HDGFL3: variants seen among roughly 807,000 people sequenced by gnomAD.
HDGFL3 encodes hepatoma-derived growth factor-related protein 3.
Under a neutral mutation model 27.6 loss-of-function variants are expected in HDGFL3, and 6 were observed. The observed-to-expected ratio is 0.22, with a 90% CI of 0.12 to 0.43. The LOEUF (loss-of-function observed/expected upper bound fraction) is 0.43, where lower values mean the gene tolerates loss of function less well. Ranked by LOEUF, HDGFL3 falls within the 20% of genes least tolerant of loss-of-function variation. The pLI, the probability that HDGFL3 is intolerant of heterozygous loss-of-function variation, is 1.00. For synonymous variants in HDGFL3, 88 were observed against 88.9 expected (o/e 0.99, Z 0.05); for missense variants, 207 against 250.1 (o/e 0.83, Z 1.16).
rs2035939062 is a variant in HDGFL3, at chr15:83,128,162, T to TTCATCTTGTTTAAAAACA, written c.*11107_*11108insTGTTTTTAAACAAGATGA. ...GAACTTATCATTTAAAAACATTAGC[T>TTCATCTTGTTTAAAAACA]TCATCTTGTTCTTTTCAAGCAGTTA... On this transcript the variant is annotated 3_prime_UTR_variant, in exon 6 of 6. Coordinates refer to ENST00000299633, the MANE Select transcript of HDGFL3 (RefSeq NM_016073.4). 6.6e-6 allele frequency: 1 copy of TTCATCTTGTTTAAAAACA among 152,266 alleles called. No individual in the cohort carries two copies. Among genetic ancestry groups the TTCATCTTGTTTAAAAACA allele is most frequent in the Non-Finnish European group, 1.5e-5 (1 of 68,100 alleles). The allele number at this position is 152,266 out of a possible 1,614,324, so 9.4% of individuals were successfully genotyped here. A position where few individuals can be genotyped will look rare whatever the true frequency, so the allele number is the denominator to read the frequency against.
chr15:83,135,474 T>A lies in HDGFL3; in HGVS notation c.*3796A>T, dbSNP rs1177886140. The stretch of plus-strand genomic sequence containing the variant: ...CTTATTACATTTAGATTCCCAATCC[T>A]TTATTCATGTGTATCTTGAATTTCA... On this transcript the variant is annotated 3_prime_UTR_variant, in exon 6 of 6. Transcript: ENST00000299633. 1 of 152,232 alleles carries A rather than the reference T, an allele frequency of 6.6e-6. No individual in the cohort carries two copies. The highest frequency in any genetic ancestry group is 1.5e-5 in the Non-Finnish European group (1 of 68,050). 9.4% of individuals were successfully genotyped at this position (152,232 alleles called of 1,614,324 possible).
In HDGFL3 at chr15:83,164,039, C is replaced by A; in HGVS notation, c.121G>T (p.Ala41Ser). 6.2e-7 allele frequency: 1 copy of A among 1,611,046 alleles called. No individual in the cohort carries two copies. The highest frequency in any genetic ancestry group is 8.5e-7 in the Non-Finnish European group (1 of 1,179,014). Residue 41 changes from alanine to serine, a missense_variant, in exon 2 of 6, where the codon GCA becomes TCA. Ala to Ser is a moderately conservative substitution (Grantham distance 99). Coordinates refer to ENST00000299633, the MANE Select transcript of HDGFL3 (RefSeq NM_016073.4). ...ELPEGAVKPP[A>S]NKYPIFFFGT... ...AAAAAGAAGATAGGATACTTGTTTG[C>A]TGGAGGCTTCACAGCGCCCTCTGGG...
At chr15:83,197,732 C>T (rs903388716) in intron 1 of HDGFL3, among the ~76,000 whole-genome samples, 1 of 152,140 alleles carries the variant, frequency 6.6e-6, no homozygotes, top group African/African-American at 2.4e-5. Context: ...CTGTATATAA[C>T]TCGGTAGTCA....
chr15:83,192,697 T>C (rs2037526425), intron 1 of HDGFL3, among the ~76,000 whole-genome samples: 1 of 152,328 alleles, frequency 6.6e-6, no homozygotes, highest in East Asian at 1.9e-4. Context: ...ATCCTAGGCA[T>C]AAAACAAAAT....
downstream of HDGFL3, chr15:83,124,834 G>T: frequency 7.3e-7 from 1 of 1,369,236 alleles, no homozygotes; most frequent in South Asian, 1.2e-5. Context: ...TTTCCAAATG[G>T]AAAAAAACTT....
At chr15:83,155,642 G>T (rs2037019147) in intron 4 of HDGFL3, among the ~76,000 whole-genome samples, 1 of 152,158 alleles carries the variant, frequency 6.6e-6, no homozygotes, top group South Asian at 2.1e-4. Flanking sequence ...AGGTACACAG[G>T]AAACAATGCT....
At chr15:83,186,256 T>A (rs989897563) in intron 1 of HDGFL3, among the ~76,000 whole-genome samples, 15 of 152,178 alleles carry the variant, frequency 9.9e-5, no homozygotes, top group African/African-American at 3.4e-4. Flanking sequence ...CAAAATATAA[T>A]TAATATGGAG....
At chr15:83,122,955 A>C, downstream of HDGFL3, 11 of 1,531,518 alleles carry the variant, frequency 7.2e-6, no homozygotes, top group Non-Finnish European at 8.0e-6. Flanking sequence ...ACTGAATTGA[A>C]CCATGCCTCT....
intron 5 of HDGFL3, among the ~76,000 whole-genome samples, chr15:83,141,173 C>G (rs985644278): frequency 2.6e-5 from 4 of 152,196 alleles, no homozygotes; most frequent in Non-Finnish European, 5.9e-5. Flanking sequence ...TCTCCTAGAT[C>G]TGAAGTCTCC....
chr15:83,206,711 G>C (rs1262666382), intron 1 of HDGFL3, among the ~76,000 whole-genome samples: 2 of 152,186 alleles, frequency 1.3e-5, no homozygotes, highest in African/African-American at 2.4e-5. Flanking sequence ...ATCAGAGGTC[G>C]GTTTAAAAGA....
intron 3 of HDGFL3, among the ~76,000 whole-genome samples, chr15:83,116,556 G>A (rs570183252): frequency 2.2e-4 from 34 of 152,350 alleles, no homozygotes; most frequent in African/African-American, 7.7e-4. Context: ...AGCTTTGTAT[G>A]TACGCTGTGG....
intron 3 of HDGFL3, chr15:83,115,783 C>T (rs776352856): frequency 2.7e-6 from 3 of 1,103,980 alleles, no homozygotes. Context: ...TAGCTGATGC[C>T]AAGCTTGTAG....
At chr15:83,170,876 CAAA>C (rs34510031) in intron 1 of HDGFL3, among the ~76,000 whole-genome samples, 2 of 77,738 alleles carry the variant, frequency 2.6e-5, no homozygotes, top group Non-Finnish European at 2.8e-5. Flanking sequence ...ATTCAACAAG[CAAA>C]AAAAAAAAAA....
At chr15:83,127,364 G>A, downstream of HDGFL3, 1 of 1,612,254 alleles carries the variant, frequency 6.2e-7, no homozygotes, top group Non-Finnish European at 8.5e-7. Context: ...ACAGATGCTG[G>A]CATATATGTT....
chr15:83,115,003 A>G (rs1347998811), exon 4 of HDGFL3: 2 of 152,244 alleles, frequency 1.3e-5, no homozygotes, highest in African/African-American at 4.8e-5. Flanking sequence ...TGTCACTTGC[A>G]CATCAGCCAC....
chr15:83,177,824 CA>C (rs1436365222), intron 1 of HDGFL3, among the ~76,000 whole-genome samples: 1 of 152,152 alleles, frequency 6.6e-6, no homozygotes, highest in Admixed American at 6.5e-5. Flanking sequence ...ACAACAATTT[CA>C]TATGACATAA....
At chr15:83,144,936 TG>T (rs1005023261) in intron 5 of HDGFL3, 1 of 164,802 alleles carries the variant, frequency 6.1e-6, no homozygotes, top group African/African-American at 2.4e-5. Flanking sequence ...TGGCCACAGA[TG>T]AGTAACTTTC....
intron 1 of HDGFL3, among the ~76,000 whole-genome samples, chr15:83,197,954 G>A (rs1013186592): frequency 1.3e-5 from 2 of 150,606 alleles, no homozygotes; most frequent in African/African-American, 2.5e-5. Context: ...AGAACCTGGG[G>A]GCGGCGGGGA....
intron 3 of HDGFL3, chr15:83,115,814 G>A (rs752065754): frequency 1.3e-6 from 2 of 1,488,338 alleles, no homozygotes; most frequent in Non-Finnish European, 1.9e-6. Context: ...CTGAGCTATT[G>A]CTTTTTAAAC....
Sources: allele counts gnomAD v4.1 joint callset (sites outside exome capture counted in the v4.1 genomes callset), GRCh38; gene constraint gnomAD v4.1.1; transcripts MANE v1.5; gene names NCBI Gene and HGNC (gene_info 2026-07-23, HGNC 2026-07-21).